The following PREX1 variants were observed in gnomAD, a reference collection of about 807,000 sequenced individuals.
The protein encoded by PREX1 is phosphatidylinositol-3,4,5-trisphosphate dependent Rac exchange factor 1, also known as phosphatidylinositol 3,4,5-trisphosphate-dependent Rac exchanger 1 protein.
Under a neutral mutation model 198.3 loss-of-function variants are expected in PREX1, and 41 were observed. The ratio of observed to expected loss-of-function variants is 0.21; its 90% confidence interval spans 0.16 to 0.27. The LOEUF (loss-of-function observed/expected upper bound fraction) is 0.27, where lower values mean the gene tolerates loss of function less well. PREX1 is among the 10% of genes least tolerant of loss of function. The pLI is 1.00. For synonymous variants in PREX1, 843 were observed against 887.2 expected, an observed-to-expected ratio of 0.95 and a Z score of 0.89; for missense variants, 1,620 against 2,200.7, an observed-to-expected ratio of 0.74 and a Z score of 5.28.
chr20:48,802,830 T>C (rs933356937), intron 1 of PREX1, among the ~76,000 whole-genome samples: 2 of 152,214 alleles, frequency 1.3e-5, no homozygotes, highest in African/African-American at 4.8e-5. Flanking sequence ...CCCCATTCCC[T>C]TTGCAACAAG....
chr20:48,740,980 A>G (rs6095272), intron 3 of PREX1, among the ~76,000 whole-genome samples: 10,365 of 152,232 alleles, frequency 0.068, 425 homozygotes, highest in South Asian at 0.18. Flanking sequence ...CTCTTTTTAA[A>G]TAAGTTCACT....
chr20:48,719,818 G>T (rs1284575106), intron 5 of PREX1, among the ~76,000 whole-genome samples: 1 of 151,918 alleles, frequency 6.6e-6, no homozygotes, highest in Non-Finnish European at 1.5e-5. Flanking sequence ...CCACCCCACG[G>T]TCCATCCTCC....
At chr20:48,631,538 G>A (rs368051112) in intron 35 of PREX1, among the ~76,000 whole-genome samples, 12 of 152,236 alleles carry the variant, frequency 7.9e-5, no homozygotes, top group African/African-American at 2.4e-4. Flanking sequence ...AGATGGCGCA[G>A]AACAGACTGA....
At chr20:48,630,043 A>T (rs2089301519) in intron 36 of PREX1, among the ~76,000 whole-genome samples, 2 of 152,076 alleles carry the variant, frequency 1.3e-5, no homozygotes, top group African/African-American at 4.8e-5. Context: ...TTCACTAACG[A>T]GCTGTGCTGC....
In PREX1 at chr20:48,827,696, G is replaced by A. The variant is rs774966160; in HGVS notation, c.165C>T (p.Asn55=). ...AGTCCCTCTCGGTGCCCAAGATCTC[G>A]TTGAGGACGCAGAGGCGGAGGCGCA... The part of the protein sequence containing the change: ...RQLRLRLCVL[N]EILGTERDYV... Residue 55 remains asparagine, a synonymous_variant, in exon 1 of 40, where the codon AAC becomes AAT. Transcript: ENST00000371941. The surrounding 1 kb of genome is among the most constrained non-coding windows in gnomAD (Gnocchi z 4.1). 1 of 1,386,996 alleles carries A rather than the reference G, an allele frequency of 7.2e-7. No individual in the cohort carries two copies. Among genetic ancestry groups the A allele is most frequent in the African/African-American group, 1.5e-5 (1 of 67,104 alleles). The allele number at this position is 1,386,996 out of a possible 1,614,324, so 85.9% of individuals were successfully genotyped here.
rs553071292 is a variant in PREX1 at position 48,708,529 on chromosome 20, G to A, written c.622-108C>T. ...AACAGACAAAAACTCCTCGCCTGGT[G>A]GACATTACATTCTAGTAAAGGAGAT... On this transcript the variant is annotated intron_variant, in intron 5 of 39. Coordinates refer to ENST00000371941, the MANE Select transcript of PREX1 (RefSeq NM_020820.4). 2.1e-5 allele frequency: 25 copies of A among 1,206,900 alleles called. No individual in the cohort carries two copies. In the South Asian group the frequency reaches 2.8e-4, roughly 14 times the overall value. 74.8% of individuals were successfully genotyped at this position (1,206,900 alleles called of 1,614,324 possible).
chr20:48,786,036 C>T (rs1358955956), intron 1 of PREX1, among the ~76,000 whole-genome samples: 1 of 152,130 alleles, frequency 6.6e-6, no homozygotes, highest in Non-Finnish European at 1.5e-5. Context: ...CCTGAGCGGG[C>T]TCATGGATCA....
At chr20:48,630,563 G>A (rs2089305704) in intron 36 of PREX1, among the ~76,000 whole-genome samples, 165 bp downstream of exon 36, 2 of 152,202 alleles carry the variant, frequency 1.3e-5, no homozygotes, top group Admixed American at 1.3e-4. Context: ...GAATGGGGAG[G>A]AAGCTATCAT....
intron 1 of PREX1, among the ~76,000 whole-genome samples, chr20:48,772,178 G>A (rs1010889161): frequency 8.5e-5 from 13 of 152,134 alleles, no homozygotes; most frequent in Non-Finnish European, 1.6e-4. Flanking sequence ...TGGCTGAACA[G>A]AGCGAGACTC....
chr20:48,630,940 C>T (rs2089309533), intron 35 of PREX1, 146 bp from the exon 36 acceptor site: 3 of 652,654 alleles, frequency 4.6e-6, no homozygotes, highest in Non-Finnish European at 8.1e-6. Context: ...GCAGGCTGTG[C>T]TCACCCGCAG....
chr20:48,787,474 C>T (rs1472476519), intron 1 of PREX1, among the ~76,000 whole-genome samples: 2 of 151,974 alleles, frequency 1.3e-5, no homozygotes, highest in South Asian at 2.1e-4. Context: ...AAACAGCCCC[C>T]GGCCAGCCGG....
intron 35 of PREX1, 151 bp downstream of exon 35, chr20:48,632,126 A>G (rs1473863795): frequency 2.7e-6 from 2 of 731,408 alleles, no homozygotes; most frequent in African/African-American, 1.8e-5. Flanking sequence ...AATCTCACGC[A>G]GGCAAGAGTG....
chr20:48,704,680 C>A (rs977396378), intron 6 of PREX1, among the ~76,000 whole-genome samples: 4 of 152,072 alleles, frequency 2.6e-5, no homozygotes, highest in Non-Finnish European at 4.4e-5. Context: ...CGCAGTCTCC[C>A]GAGTAACTGG....
At chr20:48,768,516 C>G (rs1026823124) in intron 1 of PREX1, among the ~76,000 whole-genome samples, 3 of 152,126 alleles carry the variant, frequency 2.0e-5, no homozygotes, top group Admixed American at 6.5e-5. Flanking sequence ...GTCACTCGGC[C>G]GGGCCCAGTG....
chr20:48,747,222 C>G (rs1336364922), intron 2 of PREX1, among the ~76,000 whole-genome samples: 1 of 152,182 alleles, frequency 6.6e-6, no homozygotes, highest in African/African-American at 2.4e-5. Flanking sequence ...ACCCTCAGAG[C>G]CCCGAGGCCT....
intron 25 of PREX1, among the ~76,000 whole-genome samples, chr20:48,647,263 C>T (rs1207258993): frequency 1.3e-5 from 2 of 152,118 alleles, no homozygotes; most frequent in Non-Finnish European, 2.9e-5. Flanking sequence ...TGGCTCATAT[C>T]TGTAATCCCA....
chr20:48,662,325 G>A (rs2089603215), intron 15 of PREX1, among the ~76,000 whole-genome samples: 2 of 152,242 alleles, frequency 1.3e-5, no homozygotes, highest in Admixed American at 1.3e-4. Context: ...GGAAAACAGC[G>A]TGGAATCCCT....
chr20:48,727,645 C>G (rs2090015968), intron 4 of PREX1, among the ~76,000 whole-genome samples: 1 of 152,056 alleles, frequency 6.6e-6, no homozygotes, highest in Non-Finnish European at 1.5e-5. Context: ...CCAAGACCAT[C>G]CCAGAAAAGT....
In PREX1 at chr20:48,690,974, T is replaced by C; in HGVS notation, c.1159A>G (p.Ile387Val). ...AEEKQKWLDAIIREREQRESL... is the reference protein window; with the variant it reads ...AEEKQKWLDAVIREREQRESL... ...TCGCGCTGCTCCCGCTCGCGGATGA[T>C]GGCATCCAGCCACTTCTGCTTCTCC... is the stretch of plus-strand genomic sequence containing the variant. Residue 387 changes from isoleucine to valine, a missense_variant, in exon 9 of 40, where the codon ATC (isoleucine) becomes GTC (valine). By Grantham distance (29) the Ile-to-Val change is conservative. Around this residue, in one of 7 missense-constraint regions of PREX1, gnomAD observed 488 missense variants for 802.5 expected, o/e 0.61. Transcript: ENST00000371941. 1.2e-6 allele frequency: 2 copies of C among 1,614,190 alleles called. No homozygotes were observed. Among genetic ancestry groups the C allele is most frequent in the Non-Finnish European group, 1.7e-6 (2 of 1,180,042 alleles).
Sources: allele counts gnomAD v4.1 joint callset (sites outside exome capture counted in the v4.1 genomes callset), GRCh38; gene constraint gnomAD v4.1.1; regional missense constraint gnomAD v4.1.1; non-coding constraint Gnocchi (gnomAD v3.1); transcripts MANE v1.5; gene names NCBI Gene and HGNC (gene_info 2026-07-23, HGNC 2026-07-21).